USP15: variants seen among roughly 807,000 people sequenced by gnomAD.
USP15 encodes ubiquitin specific peptidase 15.
In USP15, 18 loss-of-function variants were observed where a neutral mutation model predicts 127.1. The ratio of observed to expected loss-of-function variants is 0.14; its 90% CI spans 0.10 to 0.21. The LOEUF is 0.21. Among genes scored for constraint, USP15 ranks in the 10% least tolerant of loss-of-function variants. USP15 has a pLI of 1.00. For missense variants in USP15, 805 were observed against 1,159.9 expected (o/e 0.69, Z 4.44); for synonymous variants, 364 against 393.7 (o/e 0.92, Z 0.89).
chr12:62,337,560 C>T (rs1169449640), intron 6 of USP15, among the ~76,000 whole-genome samples: 1 of 152,100 alleles, frequency 6.6e-6, no homozygotes, highest in South Asian at 2.1e-4. Flanking sequence ...GTTTGCTGCA[C>T]CTATCAACCC....
chr12:62,273,515 T>A (rs1179506020), intron 1 of USP15, among the ~76,000 whole-genome samples: 2 of 152,066 alleles, frequency 1.3e-5, no homozygotes, highest in Non-Finnish European at 2.9e-5. Flanking sequence ...TAGCAAGTAG[T>A]GTCAAAAATA....
chr12:62,322,865 A>G (rs1395009034), intron 5 of USP15, among the ~76,000 whole-genome samples: 1 of 152,206 alleles, frequency 6.6e-6, no homozygotes. Flanking sequence ...AGCTGCTTAT[A>G]GTTCCCTGAA....
chr12:62,402,802 T>G (rs1164402173), intron 21 of USP15, among the ~76,000 whole-genome samples: 1 of 152,088 alleles, frequency 6.6e-6, no homozygotes, highest in East Asian at 1.9e-4. Flanking sequence ...AGTTTGTATC[T>G]TAACATTTCT....
chr12:62,296,186 G>C (rs1003049569), intron 2 of USP15, among the ~76,000 whole-genome samples: 2 of 152,180 alleles, frequency 1.3e-5, no homozygotes, highest in Admixed American at 6.5e-5. Context: ...ACTGAATTCT[G>C]CCAACAACTG....
intron 6 of USP15, among the ~76,000 whole-genome samples, chr12:62,343,428 C>T (rs2065708696): frequency 6.6e-6 from 1 of 152,186 alleles, no homozygotes; most frequent in Non-Finnish European, 1.5e-5. Flanking sequence ...ATGGTTCTGT[C>T]TCGCTGGCAT....
intron 1 of USP15, among the ~76,000 whole-genome samples, chr12:62,283,098 A>G (rs967238093): frequency 8.5e-5 from 13 of 152,208 alleles, no homozygotes; most frequent in Admixed American, 3.9e-4. Flanking sequence ...ATCAGAGTCT[A>G]CCCTCCCAAA....
intron 6 of USP15, among the ~76,000 whole-genome samples, chr12:62,331,447 C>T (rs908267752): frequency 1.3e-5 from 2 of 152,112 alleles, no homozygotes; most frequent in Non-Finnish European, 2.9e-5. Context: ...TAGTGGCATC[C>T]AGGGTTCCCA....
intron 6 of USP15, chr12:62,334,122 C>A (rs979403595): frequency 6.6e-6 from 1 of 152,074 alleles, no homozygotes; most frequent in Non-Finnish European, 1.5e-5. Context: ...TTTTTGAATA[C>A]CATCCTTTTG....
chr12:62,356,266 T>G (rs2066126944), intron 8 of USP15, among the ~76,000 whole-genome samples: 1 of 151,936 alleles, frequency 6.6e-6, no homozygotes, highest in Non-Finnish European at 1.5e-5. Context: ...TTCTGTTCTC[T>G]ATTCTTATTT....
chr12:62,373,659 A>G (rs185625048), intron 8 of USP15, among the ~76,000 whole-genome samples: 2 of 152,126 alleles, frequency 1.3e-5, no homozygotes, highest in East Asian at 3.9e-4. Flanking sequence ...TCTTAAAAAT[A>G]TAAGAGGAAA....
At position 62,391,436 on chromosome 12, in the gene USP15, ATT is replaced by A; in HGVS notation, c.2233+9_2233+10del. 1 of 1,591,358 alleles carries A rather than the reference ATT, an allele frequency of 6.3e-7. No individual in the cohort carries two copies. The highest frequency in any genetic ancestry group is 8.5e-7 in the Non-Finnish European group (1 of 1,173,572). ...AGGCAGCTTAGGCTAGATGGTAAGT[ATT>A]TGTGAAAAATGGCTTGAACATTAAA... On this transcript the variant is annotated splice_region_variant and intron_variant, in intron 16 of 21. Coordinates refer to ENST00000280377, the MANE Select transcript of USP15 (RefSeq NM_001252078.2).
rs1305353824 is a variant in USP15 at position 62,409,110 on chromosome 12, AACAG to A, written c.*4740_*4743del. On this transcript the variant is annotated 3_prime_UTR_variant, in exon 22 of 22. Transcript: ENST00000280377. ...AAGAATTTTTAAATGGATAATATAA[AACAG>A]ACAGTTCAAAAATTATTTTTGGAAA... 13 of 152,300 alleles carry A rather than the reference AACAG, an allele frequency of 8.5e-5. No individual in the cohort carries two copies. The highest frequency in any genetic ancestry group is 2.1e-4 in the South Asian group (1 of 4,826). The allele number at this position is 152,300 out of a possible 1,614,324, so 9.4% of individuals were successfully genotyped here.
intron 2 of USP15, among the ~76,000 whole-genome samples, chr12:62,295,145 A>C (rs372098447): frequency 6.6e-6 from 1 of 151,872 alleles, no homozygotes; most frequent in African/African-American, 2.4e-5. Flanking sequence ...ACCCCCCCCC[A>C]TAGGGTTGCT....
Position 62,260,430 on chromosome 12 carries a change from G to A in USP15, c.16G>A (p.Ala6Thr), listed in dbSNP as rs959166678. Residue 6 changes from alanine (A) to threonine (T), a missense_variant, in exon 1 of 22, where the codon GCG (alanine) becomes ACG (threonine). Transcript: ENST00000280377. ...GTGGAAGAAGATGGCGGAAGGCGGA[G>A]CGGCGGATCTGGACACCCAGCGGTC... MAEGG[A>T]ADLDTQRSDI... 4.5e-6 allele frequency: 7 copies of A among 1,551,450 alleles called. No homozygotes were observed. In the African/African-American group the frequency reaches 8.2e-5, roughly 18 times the overall value.
chr12:62,384,694 T>C (rs1328585599), intron 11 of USP15, among the ~76,000 whole-genome samples: 1 of 151,774 alleles, frequency 6.6e-6, no homozygotes, highest in Non-Finnish European at 1.5e-5. Flanking sequence ...TTTTAATTCA[T>C]AGTGTGATAG....
At position 62,414,964 on chromosome 12, in the gene USP15, CAT is replaced by C. The variant is rs943389244; in HGVS notation, c.*10592_*10593del. The C allele has an allele frequency of 3.6e-5, 4 of 110,844 alleles. No homozygotes were observed. Among genetic ancestry groups the C allele is most frequent in the Non-Finnish European group, 7.7e-5 (4 of 52,138 alleles). 6.9% of individuals were successfully genotyped at this position (110,844 alleles called of 1,614,324 possible). ...TATAGCTCTCTCCCTCATATATACA[CAT>C]ATCATGTATATACATATATATCATA... On this transcript the variant is annotated 3_prime_UTR_variant, in exon 22 of 22. Transcript: ENST00000280377.
At chr12:62,375,835 C>T (rs962026975) in intron 8 of USP15, among the ~76,000 whole-genome samples, 12 of 152,090 alleles carry the variant, frequency 7.9e-5, no homozygotes, top group African/African-American at 2.7e-4. Context: ...CAGTTCAAAA[C>T]CACAAAACCA....
At chr12:62,356,953 T>A (rs780614734) in intron 8 of USP15, among the ~76,000 whole-genome samples, 11 of 152,066 alleles carry the variant, frequency 7.2e-5, no homozygotes, top group Non-Finnish European at 1.5e-4. Context: ...TAGAAAACCC[T>A]GTTCTCAGAT....
At position 62,367,103 on chromosome 12, in the gene USP15, GGA is replaced by G. The variant is rs1352477261; in HGVS notation, c.915+11629_915+11630del. ...GTGGAGTCCCTCTTTTGTATTGTTT[GGA>G]ATAGTTTCAGCTGCTCTTTGTACCT... is the stretch of plus-strand genomic sequence containing the variant. On this transcript the variant is annotated intron_variant, in intron 8 of 21. Coordinates refer to ENST00000280377, the MANE Select transcript of USP15 (RefSeq NM_001252078.2). Among the ~76,000 whole-genome samples the G allele has an allele frequency of 2.0e-5, 3 of 152,090 alleles. No homozygotes were observed. The East Asian group carries it at 5.8e-4, about 29-fold the overall frequency.
Sources: gnomAD v4.1 joint callset for allele counts (sites outside exome capture counted in the v4.1 genomes callset) on GRCh38, gnomAD v4.1.1 for gene constraint, MANE v1.5 for transcripts, NCBI Gene and HGNC (gene_info 2026-07-23, HGNC 2026-07-21) for gene names.